RASGEF1A: variants seen among roughly 807,000 people sequenced by gnomAD.
RASGEF1A encodes the protein ras-GEF domain-containing family member 1A.
RASGEF1A carries 18 observed loss-of-function variants against 56.4 expected under a neutral mutation model. The ratio of observed to expected loss-of-function variants is 0.32; its 90% confidence interval spans 0.22 to 0.47. The LOEUF (loss-of-function observed/expected upper bound fraction) is 0.47. Ranked by LOEUF, RASGEF1A falls within the 20% of genes least tolerant of loss-of-function variation. The pLI, the probability that RASGEF1A is intolerant of heterozygous loss-of-function variation, is 1.00. For missense variants in RASGEF1A, 422 were observed against 627.1 expected (o/e 0.67, Z 3.49); for synonymous variants, 245 against 242.6 (o/e 1.01, Z -0.09).
chr10:43,258,993 C>G (rs1360951329), intron 1 of RASGEF1A, among the ~76,000 whole-genome samples: 1 of 152,230 alleles, frequency 6.6e-6, no homozygotes, highest in Non-Finnish European at 1.5e-5. Flanking sequence ...TGGGGCTGGC[C>G]CTGGTCTCTG....
chr10:43,242,268 G>A (rs1452177631), intron 1 of RASGEF1A, among the ~76,000 whole-genome samples: 3 of 152,074 alleles, frequency 2.0e-5, no homozygotes, highest in Admixed American at 6.6e-5. Context: ...TGTTACTAGA[G>A]ACAAAGAAGG....
chr10:43,245,655 T>C (rs1261734616), intron 1 of RASGEF1A, among the ~76,000 whole-genome samples: 2 of 152,152 alleles, frequency 1.3e-5, no homozygotes, highest in Non-Finnish European at 2.9e-5. Flanking sequence ...ACCATATCCA[T>C]AGACCACATA....
At chr10:43,264,989 G>A (rs1487435023) in intron 1 of RASGEF1A, among the ~76,000 whole-genome samples, 1 of 152,194 alleles carries the variant, frequency 6.6e-6, no homozygotes, top group Non-Finnish European at 1.5e-5. Context: ...TCTACAGGTG[G>A]GGACCGGCGT....
chr10:43,243,921 C>T (rs374955887), intron 1 of RASGEF1A, among the ~76,000 whole-genome samples: 5 of 152,022 alleles, frequency 3.3e-5, no homozygotes, highest in Admixed American at 1.3e-4. Flanking sequence ...GCCATGATGA[C>T]GATGGTGGTT....
chr10:43,255,113 ACCAGCCCAGCCCCT>A (rs1237410417), intron 1 of RASGEF1A, among the ~76,000 whole-genome samples: 1 of 151,976 alleles, frequency 6.6e-6, no homozygotes, highest in Non-Finnish European at 1.5e-5. Context: ...GTCCAGCCCC[ACCAGCCCAGCCCCT>A]CCAGCCGGTG....
chr10:43,240,888 T>C (rs1194993632), intron 1 of RASGEF1A, among the ~76,000 whole-genome samples: 2 of 152,186 alleles, frequency 1.3e-5, no homozygotes, highest in Non-Finnish European at 2.9e-5. Flanking sequence ...GGTAGATTTC[T>C]TATCAGGAAC....
chr10:43,224,026 T>C (rs1331576503), intron 1 of RASGEF1A, among the ~76,000 whole-genome samples: 2 of 151,840 alleles, frequency 1.3e-5, no homozygotes, highest in African/African-American at 2.4e-5. Context: ...ATCTAGAAAA[T>C]ATAAGTAACC....
At chr10:43,214,335 C>G (rs1485794427) in intron 1 of RASGEF1A, among the ~76,000 whole-genome samples, 1 of 152,178 alleles carries the variant, frequency 6.6e-6, no homozygotes, top group Non-Finnish European at 1.5e-5. Context: ...ACTGAGGATG[C>G]CCAGTGATGA....
At chr10:43,232,065 C>T (rs1158515095) in intron 1 of RASGEF1A, among the ~76,000 whole-genome samples, 1 of 152,248 alleles carries the variant, frequency 6.6e-6, no homozygotes, top group Non-Finnish European at 1.5e-5. Context: ...AGCAGGCAAG[C>T]TGTCAAGATT....
chr10:43,262,037 G>C (rs1176459531), intron 1 of RASGEF1A, among the ~76,000 whole-genome samples: 1 of 152,116 alleles, frequency 6.6e-6, no homozygotes, highest in Admixed American at 6.5e-5. Context: ...CTGTGGCTGG[G>C]GTCCAGGACA....
chr10:43,229,466 C>CA (rs1486279499), intron 1 of RASGEF1A, among the ~76,000 whole-genome samples: 2 of 152,204 alleles, frequency 1.3e-5, no homozygotes, highest in Non-Finnish European at 2.9e-5. Context: ...GGGCGCCGCC[C>CA]ACCGGGCAGT....
rs567783324 is a variant in RASGEF1A, at chr10:43,201,781, C to A, written c.459+27G>T. The A allele has an allele frequency of 1.9e-5, 29 of 1,547,816 alleles. No homozygotes were observed. The South Asian group carries it at 3.1e-4, about 16-fold the overall frequency. On this transcript the variant is annotated intron_variant, in intron 4 of 12. Transcript: ENST00000395810. ...CAGACCCTGGCACACACCCAAAGACCCTGGCCAGAGCCCAGGGAGCACTCA... is the reference window on the plus strand; with the variant it reads ...CAGACCCTGGCACACACCCAAAGACACTGGCCAGAGCCCAGGGAGCACTCA...
intron 1 of RASGEF1A, among the ~76,000 whole-genome samples, chr10:43,242,575 G>A (rs1840514747): frequency 6.6e-6 from 1 of 152,000 alleles, no homozygotes; most frequent in African/African-American, 2.4e-5. Context: ...CTCTCTTGCA[G>A]AGCCTGGACT....
intron 1 of RASGEF1A, among the ~76,000 whole-genome samples, chr10:43,263,844 GC>G (rs1836577068): frequency 6.6e-6 from 1 of 152,148 alleles, no homozygotes; most frequent in Admixed American, 6.5e-5. Context: ...TACTCTCCCT[GC>G]CTGGCTTCCC....
intron 1 of RASGEF1A, chr10:43,208,185 G>T (rs902367064): frequency 1.0e-6 from 1 of 985,378 alleles, no homozygotes; most frequent in Non-Finnish European, 1.2e-6. Context: ...CGACCAGCAG[G>T]TGGTAACCTT....
At chr10:43,266,695 C>G (rs1021393478) in intron 1 of RASGEF1A, 150 bp downstream of exon 1, 3 of 146,324 alleles carry the variant, frequency 2.1e-5, no homozygotes, top group African/African-American at 7.4e-5. Flanking sequence ...GCCCCGCGCC[C>G]GGAGCCCGCG....
rs756692921 is a variant in RASGEF1A, at chr10:43,197,003, G to A, written c.1321C>T (p.Leu441Phe). The change falls in exon 11 of 13, where the codon CTC (leucine) becomes TTC (phenylalanine). Residue 441 changes from leucine to phenylalanine, a missense_variant. Around this residue, in one of 2 missense-constraint regions of RASGEF1A, gnomAD observed 149 missense variants for 287.2 expected, o/e 0.52. Transcript: ENST00000395810. ...EKDKKIQSYL[L>F]TAPIYSEEAL... Reference sequence around the variant, plus strand: ...TCCTCGCTGTAGATGGGCGCCGTGAGCAGGTAACTCTGAATCTTCTTGTCC... The same window carrying A: ...TCCTCGCTGTAGATGGGCGCCGTGAACAGGTAACTCTGAATCTTCTTGTCC... The A allele has an allele frequency of 3.7e-6, 6 of 1,613,952 alleles. No individual in the cohort carries two copies. The highest frequency in any genetic ancestry group is 1.7e-5 in the Admixed American group (1 of 60,028).
At chr10:43,265,432 T>C (rs1588955993) in intron 1 of RASGEF1A, among the ~76,000 whole-genome samples, 1 of 151,770 alleles carries the variant, frequency 6.6e-6, no homozygotes, top group Admixed American at 6.6e-5. Context: ...GAGCAGGGAG[T>C]GTGGGCCTGC....
In RASGEF1A at chr10:43,243,983, G is replaced by A. The variant is rs577208035; in HGVS notation, c.-7+22862C>T. On this transcript the variant is annotated intron_variant, in intron 1 of 12. Transcript: ENST00000395810. ...GGGGAAAAGAAAGAGAGATCAGATT[G>A]TTACTGTGTCTGTGTAGAAAGAAGT... Among the ~76,000 whole-genome samples the A allele has an allele frequency of 1.4e-4, 21 of 152,318 alleles. No individual in the cohort carries two copies. The South Asian group carries it at 3.5e-3, about 26-fold the overall frequency.
Sources: gnomAD v4.1 joint callset for allele counts (sites outside exome capture counted in the v4.1 genomes callset) on GRCh38, gnomAD v4.1.1 for gene constraint, gnomAD v4.1.1 regional missense constraint, MANE v1.5 for transcripts, NCBI Gene and HGNC (gene_info 2026-07-23, HGNC 2026-07-21) for gene names.